The following TUB variants were observed in gnomAD, a reference collection of about 807,000 sequenced individuals.
TUB encodes the protein tubby protein homolog.
TUB carries 33 observed loss-of-function variants against 59.7 expected under a neutral mutation model. The observed-to-expected ratio is 0.55, with a 90% CI of 0.42 to 0.74. TUB has a LOEUF of 0.74. Ranked by LOEUF, TUB falls within the 30% of genes least tolerant of loss-of-function variation. The pLI is 0.00. For synonymous variants in TUB, 293 were observed against 256.4 expected (o/e 1.14, Z -1.36); for missense variants, 659 against 672.0 (o/e 0.98, Z 0.21).
intron 2 of TUB, among the ~76,000 whole-genome samples, chr11:8,050,161 T>C (rs781518492): frequency 6.6e-6 from 1 of 152,256 alleles, no homozygotes; most frequent in East Asian, 1.9e-4. Flanking sequence ...TATGTAGTTA[T>C]ACGGTAGTTC....
intron 2 of TUB, among the ~76,000 whole-genome samples, chr11:8,042,326 G>A (rs1942764674): frequency 6.6e-6 from 1 of 152,062 alleles, no homozygotes; most frequent in Admixed American, 6.6e-5. Flanking sequence ...TTTTATTGCT[G>A]AATAATATTC....
chr11:8,093,956 A>G (rs1943869027), intron 3 of TUB, 90 bp from the exon 4 acceptor site: 22 of 1,536,854 alleles, frequency 1.4e-5, no homozygotes, highest in Non-Finnish European at 1.9e-5. Context: ...GCAGTCAAAA[A>G]TGCTGTGCTG....
intron 4 of TUB, 92 bp downstream of exon 4, chr11:8,094,281 A>G: frequency 6.9e-7 from 1 of 1,448,144 alleles, no homozygotes. Flanking sequence ...GAGGGGAGGG[A>G]TAGGATGAAC....
upstream of TUB, among the ~76,000 whole-genome samples, chr11:8,080,827 G>A (rs1043267517): frequency 6.6e-6 from 1 of 152,154 alleles, no homozygotes; most frequent in South Asian, 2.1e-4. Context: ...CGGCCCGGAG[G>A]TTCCCCCGCC....
intron 3 of TUB, among the ~76,000 whole-genome samples, chr11:8,092,753 A>C (rs1943819639): frequency 6.6e-6 from 1 of 152,196 alleles, no homozygotes. Flanking sequence ...GCTGCTGCAC[A>C]CACGCGTGGC....
chr11:8,090,269 T>C (rs1189764341), intron 3 of TUB, 38 bp downstream of exon 3: 1 of 1,605,734 alleles, frequency 6.2e-7, no homozygotes, highest in South Asian at 1.1e-5. Context: ...CGTCACTGCT[T>C]CGGGGAGCCC....
intron 1 of TUB, among the ~76,000 whole-genome samples, chr11:8,021,182 G>T (rs1209866219): frequency 6.6e-6 from 1 of 152,208 alleles, no homozygotes; most frequent in African/African-American, 2.4e-5. Flanking sequence ...GAGGTAATAG[G>T]CCTGGCGCAG....
At chr11:8,064,745 G>A (rs1486149441) in intron 2 of TUB, among the ~76,000 whole-genome samples, 1 of 152,234 alleles carries the variant, frequency 6.6e-6, no homozygotes, top group African/African-American at 2.4e-5. Flanking sequence ...GGCTGTTGCA[G>A]ACAGGGCCAC....
chr11:8,080,748 C>T (rs766209622), upstream of TUB, among the ~76,000 whole-genome samples: 4 of 152,212 alleles, frequency 2.6e-5, no homozygotes, highest in Admixed American at 1.3e-4. Flanking sequence ...AACCCAAAGA[C>T]AGAGGGTTCC....
At chr11:8,068,627 C>G (rs529077217) in intron 2 of TUB, 1 of 152,534 alleles carries the variant, frequency 6.6e-6, no homozygotes, top group Non-Finnish European at 1.5e-5. Context: ...CTTTACTGAG[C>G]TCTGTATCCT....
chr11:8,046,709 C>T (rs114249481), intron 2 of TUB, among the ~76,000 whole-genome samples: 24,182 of 152,010 alleles, frequency 0.16, 2,073 homozygotes, highest in African/African-American at 0.2. Flanking sequence ...TCCAGCCTAT[C>T]TTACTCCAAG....
chr11:8,023,682 A>G (rs1270207008), intron 1 of TUB, among the ~76,000 whole-genome samples: 1 of 152,232 alleles, frequency 6.6e-6, no homozygotes, highest in African/African-American at 2.4e-5. Context: ...AGCATCCACA[A>G]GCCAAACGGA....
At position 8,102,780 on chromosome 11, in the gene TUB, T is replaced by G. The variant is rs1030337863; in HGVS notation, c.*1161T>G. On this transcript the variant is annotated 3_prime_UTR_variant, in exon 12 of 12. Transcript: ENST00000299506. Reference sequence around the variant, plus strand: ...AGGAATCTAGTACAACCTTGTTGCTTTAGGTGAGTCACACTCAGAAAATGG... The same window carrying G: ...AGGAATCTAGTACAACCTTGTTGCTGTAGGTGAGTCACACTCAGAAAATGG... 1.3e-5 allele frequency: 2 copies of G among 152,186 alleles called. No individual in the cohort carries two copies. Among genetic ancestry groups the G allele is most frequent in the Non-Finnish European group, 1.5e-5 (1 of 68,038 alleles). The allele number at this position is 152,186 out of a possible 1,614,324, so 9.4% of individuals were successfully genotyped here.
At chr11:8,053,486 T>C (rs1481643157) in intron 2 of TUB, among the ~76,000 whole-genome samples, 1 of 151,978 alleles carries the variant, frequency 6.6e-6, no homozygotes, top group Non-Finnish European at 1.5e-5. Context: ...TTTTATTTAT[T>C]TATCTTTATT....
rs1331270508 is a variant in TUB at position 8,081,231 on chromosome 11, G to A, written c.-280G>A. On this transcript the variant is annotated 5_prime_UTR_variant, in exon 1 of 12. Transcript: ENST00000299506. ...GCAGTACTCCCGCCTTGGCGCCAGA[G>A]GGGCGCGGGACGGTGCGGTCGGCCT... 3.2e-6 allele frequency: 1 copy of A among 310,358 alleles called. No individual in the cohort carries two copies. The highest frequency in any genetic ancestry group is 2.3e-5 in the African/African-American group (1 of 44,266). 19.2% of individuals were successfully genotyped at this position (310,358 alleles called of 1,614,324 possible).
In TUB at chr11:8,097,343, G is replaced by A. The variant is rs1266920359; in HGVS notation, c.803G>A (p.Arg268His). ...CCCCAGGGTATCACCATCAAATGCC[G>A]CATCACTCGGGACAAGAAAGGGATG... Reference protein sequence around the residue: ...PAPQGITIKCRITRDKKGMDR... With the variant: ...PAPQGITIKCHITRDKKGMDR... Residue 268 changes from arginine (R) to histidine (H), a missense_variant, in exon 7 of 12, where the codon CGC becomes CAC. Arg to His is a conservative substitution (Grantham distance 29). This residue lies in a region of TUB where 112 missense variants were observed against 156.9 expected (regional missense o/e 0.71). Transcript: ENST00000299506. The A allele has an allele frequency of 2.7e-5, 43 of 1,614,048 alleles. No homozygotes were observed. The highest frequency in any genetic ancestry group is 5.5e-5 in the South Asian group (5 of 91,086).
At chr11:8,022,969 A>T (rs138427979) in intron 1 of TUB, among the ~76,000 whole-genome samples, 14 of 152,360 alleles carry the variant, frequency 9.2e-5, no homozygotes, top group Non-Finnish European at 1.6e-4. Context: ...TGTTTGAGTT[A>T]GCACAAGATT....
intron 1 of TUB, among the ~76,000 whole-genome samples, chr11:8,020,393 T>G (rs1334933092): frequency 6.6e-6 from 1 of 152,180 alleles, no homozygotes; most frequent in Non-Finnish European, 1.5e-5. Context: ...AGCCCTTGTT[T>G]GCCTAGATTC....
At position 8,094,141 on chromosome 11, in the gene TUB, G is replaced by T. The variant is rs34806485; in HGVS notation, c.349G>T (p.Gly117Trp). 6.2e-7 allele frequency: 1 copy of T among 1,613,994 alleles called. No individual in the cohort carries two copies. Among genetic ancestry groups the T allele is most frequent in the South Asian group, 1.1e-5 (1 of 91,084 alleles). ...GAGAACCAAGGCGGCAGCTACAGCA[G>T]GGGGCCAGGGTGGCGCCGCTAGGAA... is the stretch of plus-strand genomic sequence containing the variant. ...AKRTKAAATAGGQGGAARKEK... is the reference protein window; with the variant it reads ...AKRTKAAATAWGQGGAARKEK... The change falls in exon 4 of 12, where the codon GGG becomes TGG. Residue 117 changes from glycine to tryptophan, a missense_variant. This residue lies in a region of TUB where 321 missense variants were observed against 304.3 expected (regional missense o/e 1.05). Coordinates refer to ENST00000299506, the MANE Select transcript of TUB (RefSeq NM_177972.3).
Sources: gnomAD v4.1 joint callset for allele counts (sites outside exome capture counted in the v4.1 genomes callset) on GRCh38, gnomAD v4.1.1 for gene constraint, gnomAD v4.1.1 regional missense constraint, MANE v1.5 for transcripts, NCBI Gene and HGNC (gene_info 2026-07-23, HGNC 2026-07-21) for gene names.